MEOX2: variants seen among roughly 807,000 people sequenced by gnomAD.
MEOX2 encodes mesenchyme homeobox 2, also known as homeobox protein MOX-2.
In MEOX2, 11 loss-of-function variants were observed where a neutral mutation model predicts 27.0. The ratio of observed to expected loss-of-function variants is 0.41; its 90% CI spans 0.26 to 0.68. The LOEUF (loss-of-function observed/expected upper bound fraction) is 0.68, where lower values mean the gene tolerates loss of function less well. Among genes scored for constraint, MEOX2 ranks in the 30% least tolerant of loss-of-function variants. MEOX2 has a pLI of 0.33. For synonymous variants in MEOX2, 189 were observed against 155.4 expected (o/e 1.22, Z -1.61); for missense variants, 436 against 385.4 (o/e 1.13, Z -1.10).
intron 1 of MEOX2, among the ~76,000 whole-genome samples, chr7:15,627,127 A>T (rs1356275362): frequency 6.6e-6 from 1 of 151,934 alleles, no homozygotes; most frequent in Middle Eastern, 3.2e-3. Flanking sequence ...CTCACAGTCC[A>T]TTTGGGAAAG....
intron 2 of MEOX2, 125 bp downstream of exon 2, chr7:15,626,621 A>C: frequency 1.8e-6 from 1 of 569,768 alleles, no homozygotes; most frequent in South Asian, 4.2e-5. Flanking sequence ...TTTATCATGG[A>C]ATAGTATAAC....
intron 1 of MEOX2, among the ~76,000 whole-genome samples, chr7:15,636,762 T>C (rs894016039): frequency 6.6e-6 from 1 of 152,058 alleles, no homozygotes; most frequent in Admixed American, 6.6e-5. Context: ...CAGAAATTTA[T>C]TTCCTACAAT....
At chr7:15,643,659 A>G (rs575897489) in intron 1 of MEOX2, among the ~76,000 whole-genome samples, 4 of 152,308 alleles carry the variant, frequency 2.6e-5, no homozygotes, top group Non-Finnish European at 5.9e-5. Context: ...CCCAGAGGGA[A>G]AAACTGCGGC....
At chr7:15,632,105 G>A (rs945128961) in intron 1 of MEOX2, among the ~76,000 whole-genome samples, 2 of 151,712 alleles carry the variant, frequency 1.3e-5, no homozygotes, top group South Asian at 2.1e-4. Flanking sequence ...AGATGTAGAC[G>A]TTTCCTTGAA....
intron 2 of MEOX2, among the ~76,000 whole-genome samples, chr7:15,617,305 T>G (rs2115353938): frequency 6.6e-6 from 1 of 152,244 alleles, no homozygotes; most frequent in South Asian, 2.1e-4. Context: ...AACAAATATT[T>G]ATTTATATCT....
At chr7:15,676,788 G>A (rs1782200391) in intron 1 of MEOX2, among the ~76,000 whole-genome samples, 1 of 151,798 alleles carries the variant, frequency 6.6e-6, no homozygotes, top group Admixed American at 6.6e-5. Flanking sequence ...AACCCGGACA[G>A]CAGAGGTTGC....
intron 1 of MEOX2, among the ~76,000 whole-genome samples, chr7:15,684,390 G>A (rs570096067): frequency 7.2e-5 from 11 of 152,226 alleles, no homozygotes; most frequent in African/African-American, 2.6e-4. Flanking sequence ...ACTATCTAAA[G>A]AGAGTTTCAC....
intron 1 of MEOX2, among the ~76,000 whole-genome samples, chr7:15,631,353 C>T (rs904856609): frequency 2.0e-5 from 3 of 151,596 alleles, no homozygotes; most frequent in Admixed American, 6.6e-5. Context: ...AATATGCTTT[C>T]GGGGAGGAAA....
chr7:15,680,108 C>G (rs1562617657), intron 1 of MEOX2: 1 of 151,788 alleles, frequency 6.6e-6, no homozygotes, highest in African/African-American at 2.4e-5. Flanking sequence ...ATTAAAAACC[C>G]ACTCATGACC....
chr7:15,636,407 A>G (rs1437301249), intron 1 of MEOX2, among the ~76,000 whole-genome samples: 1 of 152,060 alleles, frequency 6.6e-6, no homozygotes. Flanking sequence ...ATGAAATAAA[A>G]CTTATTATAA....
chr7:15,618,579 C>T (rs888740607), intron 2 of MEOX2, among the ~76,000 whole-genome samples: 8 of 151,752 alleles, frequency 5.3e-5, no homozygotes, highest in South Asian at 4.2e-4. Context: ...TATAACTTAT[C>T]GAATATAAAT....
intron 1 of MEOX2, chr7:15,679,530 AGC>A (rs1782259330): frequency 3.3e-5 from 5 of 152,134 alleles, no homozygotes; most frequent in African/African-American, 1.2e-4. Context: ...AATTTTGAAG[AGC>A]AACAGCTTTT....
At chr7:15,635,205 G>A (rs10281319) in intron 1 of MEOX2, among the ~76,000 whole-genome samples, 93,206 of 151,674 alleles carry the variant, frequency 0.61, 28,839 homozygotes, top group Non-Finnish European at 0.65. Flanking sequence ...AATGGTCACA[G>A]ATAGTCACAG....
chr7:15,636,264 A>G (rs1781477333), intron 1 of MEOX2, among the ~76,000 whole-genome samples: 1 of 152,020 alleles, frequency 6.6e-6, no homozygotes, highest in South Asian at 2.1e-4. Flanking sequence ...TTTGAGAAAA[A>G]AAATCCCTTA....
intron 1 of MEOX2, among the ~76,000 whole-genome samples, chr7:15,645,333 A>G (rs540521204): frequency 1.3e-5 from 2 of 152,328 alleles, no homozygotes; most frequent in East Asian, 3.9e-4. Context: ...TGCATTACAT[A>G]GTAAGCAGTG....
intron 1 of MEOX2, 149 bp from the exon 2 acceptor site, chr7:15,627,067 C>A: frequency 1.6e-6 from 1 of 616,386 alleles, no homozygotes; most frequent in Non-Finnish European, 2.7e-6. Context: ...CTGACGGCAG[C>A]TCAACGGGGG....
intron 1 of MEOX2, among the ~76,000 whole-genome samples, chr7:15,637,991 C>A (rs547491676): frequency 6.6e-6 from 1 of 152,126 alleles, no homozygotes; most frequent in Admixed American, 6.6e-5. Context: ...ATTTATTAGC[C>A]TTTTCTAAGT....
chr7:15,628,481 C>A (rs1214869049), intron 1 of MEOX2, among the ~76,000 whole-genome samples: 1 of 152,116 alleles, frequency 6.6e-6, no homozygotes, highest in African/African-American at 2.4e-5. Context: ...CTATCTAAAA[C>A]TCTTCATTCA....
intron 1 of MEOX2, among the ~76,000 whole-genome samples, chr7:15,665,185 A>G (rs1448441045): frequency 6.6e-6 from 1 of 152,150 alleles, no homozygotes; most frequent in Non-Finnish European, 1.5e-5. Flanking sequence ...ATGTGATTCA[A>G]TATCATCAAA....
Sources: allele counts gnomAD v4.1 joint callset (sites outside exome capture counted in the v4.1 genomes callset), GRCh38; gene constraint gnomAD v4.1.1; transcripts MANE v1.5; gene names NCBI Gene and HGNC (gene_info 2026-07-23, HGNC 2026-07-21).